NUP62CL: variants seen among roughly 807,000 people sequenced by gnomAD.
NUP62CL encodes nucleoporin 62 C-terminal like, also known as nucleoporin-62 C-terminal-like protein.
Under a neutral mutation model 15.3 loss-of-function variants are expected in NUP62CL, and 13 were observed. That is an observed-to-expected ratio of 0.85 (90% confidence interval 0.55 to 1.35). The LOEUF is 1.35. NUP62CL is among the 40% of genes most tolerant of loss of function. NUP62CL has a pLI of 0.00. For synonymous variants in NUP62CL, 54 were observed against 49.2 expected, an observed-to-expected ratio of 1.10 and a Z score of -0.41; for missense variants, 123 against 130.6, an observed-to-expected ratio of 0.94 and a Z score of 0.28.
At chrX:107,164,172 T>C (rs1490166454) in intron 4 of NUP62CL, among the ~76,000 whole-genome samples, 1 of 111,610 alleles carries the variant, frequency 9.0e-6, no homozygotes, top group Admixed American at 9.5e-5. Flanking sequence ...CACAATGGGA[T>C]CAAAGTAGCG....
chrX:107,194,925 T>C (rs1927330003), intron 1 of NUP62CL, among the ~76,000 whole-genome samples: 1 of 102,558 alleles, frequency 9.8e-6, no homozygotes, highest in Non-Finnish European at 2.0e-5. Flanking sequence ...CAAGCAATTC[T>C]CCCGCCTCAG....
At chrX:107,145,038 GTATC>G (rs1244305786) in intron 8 of NUP62CL, among the ~76,000 whole-genome samples, 1 of 111,329 alleles carries the variant, frequency 9.0e-6, no homozygotes, top group Non-Finnish European at 1.9e-5. Flanking sequence ...ACTTGAACCC[GTATC>G]TATCTGACTT....
chrX:107,132,775 G>C (rs1343418384), intron 8 of NUP62CL, among the ~76,000 whole-genome samples: 1 of 111,814 alleles, frequency 8.9e-6, no homozygotes, highest in African/African-American at 3.3e-5. Flanking sequence ...TAAGTAAAAT[G>C]AAATACTTGT....
intron 4 of NUP62CL, among the ~76,000 whole-genome samples, chrX:107,157,422 C>A (rs1236707481): frequency 1.9e-5 from 2 of 107,292 alleles, no homozygotes; most frequent in Non-Finnish European, 3.9e-5. Flanking sequence ...AGACTAACAG[C>A]GGATCTCTCA....
intron 8 of NUP62CL, among the ~76,000 whole-genome samples, chrX:107,145,497 C>T (rs1418207859): frequency 9.0e-6 from 1 of 111,071 alleles, no homozygotes; most frequent in African/African-American, 3.3e-5. Context: ...CCTAGATTAA[C>T]CCACTGTTAA....
rs1028804922 is a variant in NUP62CL at position 107,154,224 on chromosome X, T to G, written c.217A>C (p.Thr73Pro). ...ATAAGACCCTCCAGATGACCATATGTCATCACAGGAGTTGCTACTACACTA... is the reference window on the plus strand; with the variant it reads ...ATAAGACCCTCCAGATGACCATATGGCATCACAGGAGTTGCTACTACACTA... ...TVSVVATPVM[T>P]YGHLEGLINE... The change falls in exon 5 of 9, where the codon ACA (threonine) becomes CCA (proline). Residue 73 changes from threonine to proline, a missense_variant. Thr to Pro is a conservative substitution (Grantham distance 38). Coordinates refer to ENST00000372466, the MANE Select transcript of NUP62CL (RefSeq NM_017681.3). The G allele has an allele frequency of 8.3e-7, 1 of 1,199,405 alleles. No homozygotes were observed. Among genetic ancestry groups the G allele is most frequent in the Non-Finnish European group, 1.1e-6 (1 of 889,522 alleles).
At chrX:107,166,488 G>A (rs1250192274) in intron 4 of NUP62CL, among the ~76,000 whole-genome samples, 1 of 111,852 alleles carries the variant, frequency 8.9e-6, no homozygotes, top group Admixed American at 9.5e-5. Flanking sequence ...CAGTACTCTG[G>A]AAAAGAATTT....
chrX:107,189,941 GAAAGA>G (rs1927197954), intron 2 of NUP62CL, among the ~76,000 whole-genome samples: 1 of 94,708 alleles, frequency 1.1e-5, no homozygotes, highest in Non-Finnish European at 2.1e-5. Context: ...AAGAAAGAAA[GAAAGA>G]GAATCGATAC....
At chrX:107,174,824 A>T (rs1264629564) in intron 3 of NUP62CL, among the ~76,000 whole-genome samples, 1 of 112,241 alleles carries the variant, frequency 8.9e-6, no homozygotes, top group Non-Finnish European at 1.9e-5. Flanking sequence ...AGCTTCAAGG[A>T]GTTGTTTCAA....
intron 4 of NUP62CL, among the ~76,000 whole-genome samples, chrX:107,158,586 A>G (rs1602648011): frequency 2.9e-5 from 2 of 67,871 alleles, no homozygotes; most frequent in South Asian, 1.7e-3. Context: ...ACCAACGAGA[A>G]CAAAGACACA....
In NUP62CL at chrX:107,197,767, G is replaced by A. The variant is rs1927388876; in HGVS notation, c.-91-4695C>T. On this transcript the variant is annotated intron_variant, in intron 1 of 8. Coordinates refer to ENST00000372466, the MANE Select transcript of NUP62CL (RefSeq NM_017681.3). ...TTACTGAATTAACTAAATGGCTGGAGATAAAGAAAACAACTGAATGAGTGT... is the reference window on the plus strand; with the variant it reads ...TTACTGAATTAACTAAATGGCTGGAAATAAAGAAAACAACTGAATGAGTGT... Among the ~76,000 whole-genome samples the A allele has an allele frequency of 2.7e-5, 3 of 111,295 alleles. No individual in the cohort carries two copies. In the Admixed American group the frequency reaches 2.9e-4, roughly 11 times the overall value.
At chrX:107,171,972 A>T (rs1034884794) in intron 3 of NUP62CL, among the ~76,000 whole-genome samples, 1 of 109,941 alleles carries the variant, frequency 9.1e-6, no homozygotes, top group Non-Finnish European at 1.9e-5. Context: ...CAAGTCTCAT[A>T]CATTGGCCAG....
chrX:107,153,645 T>C, intron 5 of NUP62CL, 142 bp from the exon 6 acceptor site: 1 of 424,529 alleles, frequency 2.4e-6, no homozygotes, highest in Non-Finnish European at 4.0e-6. Flanking sequence ...GGAATATACT[T>C]TGAGCTGCTC....
intron 3 of NUP62CL, among the ~76,000 whole-genome samples, chrX:107,171,261 G>T (rs2147807745): frequency 8.9e-6 from 1 of 111,738 alleles, no homozygotes; most frequent in Non-Finnish European, 1.9e-5. Flanking sequence ...AGAAAGAAAG[G>T]TAAGTAGGGG....
At chrX:107,199,656 A>G (rs1021201000) in intron 1 of NUP62CL, among the ~76,000 whole-genome samples, 3 of 112,214 alleles carry the variant, frequency 2.7e-5, no homozygotes, top group Non-Finnish European at 5.6e-5. Flanking sequence ...AATGCACTCA[A>G]CCTTCTCAAG....
At chrX:107,164,853 C>A (rs921104849) in intron 4 of NUP62CL, among the ~76,000 whole-genome samples, 1 of 113,053 alleles carries the variant, frequency 8.8e-6, no homozygotes. Context: ...GTAATCCCAG[C>A]ACTTTGGGAG....
At chrX:107,174,838 A>G (rs1926747228) in intron 3 of NUP62CL, among the ~76,000 whole-genome samples, 1 of 112,384 alleles carries the variant, frequency 8.9e-6, no homozygotes, top group Non-Finnish European at 1.9e-5. Context: ...GTTTCAATGC[A>G]TCACAATATT....
At chrX:107,152,779 T>C (rs1926077998) in intron 7 of NUP62CL, among the ~76,000 whole-genome samples, 1 of 112,066 alleles carries the variant, frequency 8.9e-6, no homozygotes, top group Admixed American at 9.5e-5. Context: ...AGCAATTGCA[T>C]GACTATTAGT....
At chrX:107,184,276 CG>C (rs1926984774) in intron 2 of NUP62CL, among the ~76,000 whole-genome samples, 1 of 75,838 alleles carries the variant, frequency 1.3e-5, no homozygotes, top group Non-Finnish European at 2.3e-5. Context: ...TGAAAAAACC[CG>C]CCTCAGCACA....
Sources: allele counts gnomAD v4.1 joint callset (sites outside exome capture counted in the v4.1 genomes callset), GRCh38; gene constraint gnomAD v4.1.1; transcripts MANE v1.5; gene names NCBI Gene and HGNC (gene_info 2026-07-23, HGNC 2026-07-21).